The following MIPOL1 variants were observed in gnomAD, a reference collection of about 807,000 sequenced individuals.
MIPOL1 encodes mirror-image polydactyly 1.
Under a neutral mutation model 60.9 loss-of-function variants are expected in MIPOL1, and 57 were observed. That is an observed-to-expected ratio of 0.94 (90% CI 0.76 to 1.17). MIPOL1 has a LOEUF of 1.17. MIPOL1 is among the 50% of genes most tolerant of loss of function. The pLI is 0.00. For missense variants in MIPOL1, 551 were observed against 511.6 expected (o/e 1.08, Z -0.74); for synonymous variants, 179 against 168.8 (o/e 1.06, Z -0.47).
intron 10 of MIPOL1, among the ~76,000 whole-genome samples, chr14:37,405,064 AT>A (rs2093561895): frequency 6.6e-6 from 1 of 152,100 alleles, no homozygotes; most frequent in African/African-American, 2.4e-5. Context: ...AGAACACAAT[AT>A]GGTAATCCAG....
At chr14:37,334,316 T>A (rs561114803) in intron 9 of MIPOL1, among the ~76,000 whole-genome samples, 2 of 151,994 alleles carry the variant, frequency 1.3e-5, no homozygotes, top group East Asian at 3.9e-4. Context: ...TATGGAGATA[T>A]GAGACCTCGA....
At chr14:37,263,930 C>G (rs1181629795) in intron 3 of MIPOL1, among the ~76,000 whole-genome samples, 2 of 152,150 alleles carry the variant, frequency 1.3e-5, no homozygotes. Context: ...TTTGTCTTAT[C>G]TTTTAAATTG....
intron 7 of MIPOL1, among the ~76,000 whole-genome samples, chr14:37,303,282 A>G (rs1395867370): frequency 6.6e-6 from 1 of 151,876 alleles, no homozygotes; most frequent in Non-Finnish European, 1.5e-5. Context: ...TGTCTACCTC[A>G]GATTTACACA....
At chr14:37,524,367 T>C (rs1485039383) in intron 12 of MIPOL1, among the ~76,000 whole-genome samples, 1 of 152,046 alleles carries the variant, frequency 6.6e-6, no homozygotes, top group Non-Finnish European at 1.5e-5. Context: ...TACAGGGTGT[T>C]GAGGAGAGTT....
At chr14:37,242,360 G>T (rs1972492407) in intron 1 of MIPOL1, among the ~76,000 whole-genome samples, 1 of 151,944 alleles carries the variant, frequency 6.6e-6, no homozygotes, top group African/African-American at 2.4e-5. Context: ...GTATATATAT[G>T]TGAGTATAAT....
intron 11 of MIPOL1, among the ~76,000 whole-genome samples, chr14:37,478,349 C>A (rs2094809454): frequency 6.6e-6 from 1 of 151,984 alleles, no homozygotes; most frequent in Admixed American, 6.6e-5. Flanking sequence ...AGGCTGGTTG[C>A]AGAAACAGAA....
intron 6 of MIPOL1, among the ~76,000 whole-genome samples, chr14:37,273,661 C>A (rs2083451459): frequency 6.6e-6 from 1 of 151,368 alleles, no homozygotes; most frequent in African/African-American, 2.4e-5. Flanking sequence ...TCTCTGTAGG[C>A]AGTTTGGAGC....
chr14:37,241,873 C>A (rs896971333), intron 1 of MIPOL1, among the ~76,000 whole-genome samples: 6 of 152,076 alleles, frequency 3.9e-5, no homozygotes, highest in African/African-American at 1.2e-4. Context: ...CTCTTTCTTA[C>A]ATTTTGAACT....
intron 9 of MIPOL1, among the ~76,000 whole-genome samples, chr14:37,321,427 T>A (rs1289321914): frequency 1.3e-5 from 2 of 152,022 alleles, no homozygotes; most frequent in African/African-American, 2.4e-5. Flanking sequence ...TGAGTTGGAA[T>A]TTAATTCCCT....
rs1233719712 is a variant in MIPOL1, at chr14:37,328,575, A to G, written c.828+20056A>G. Among the ~76,000 whole-genome samples the G allele has an allele frequency of 6.6e-5, 10 of 152,350 alleles. No individual in the cohort carries two copies. In the East Asian group the frequency reaches 1.9e-3, roughly 29 times the overall value. Reference sequence around the variant, plus strand: ...TAGTTTTTAAATTATTGGCTTTAACAGCCATAAAATTTCTTGTCAGATTAC... The same window carrying G: ...TAGTTTTTAAATTATTGGCTTTAACGGCCATAAAATTTCTTGTCAGATTAC... On this transcript the variant is annotated intron_variant, in intron 9 of 12. Coordinates refer to ENST00000684589, the MANE Select transcript of MIPOL1 (RefSeq NM_001388067.1).
At chr14:37,461,388 A>G (rs1332018509) in intron 11 of MIPOL1, among the ~76,000 whole-genome samples, 1 of 152,182 alleles carries the variant, frequency 6.6e-6, no homozygotes, top group Non-Finnish European at 1.5e-5. Context: ...TCATAAGAAC[A>G]GCACAGGAAA....
At chr14:37,475,339 T>A in intron 11 of MIPOL1, among the ~76,000 whole-genome samples, 1 of 152,218 alleles carries the variant, frequency 6.6e-6, no homozygotes, top group East Asian at 1.9e-4. Context: ...TTAGTATGTG[T>A]TTTGCAAGGA....
chr14:37,532,961 A>G (rs1364366839), intron 12 of MIPOL1, among the ~76,000 whole-genome samples: 1 of 152,142 alleles, frequency 6.6e-6, no homozygotes, highest in Non-Finnish European at 1.5e-5. Context: ...AAAATACAAA[A>G]AAAGTGTATA....
At chr14:37,264,911 A>G (rs976670392) in intron 3 of MIPOL1, among the ~76,000 whole-genome samples, 8 of 152,084 alleles carry the variant, frequency 5.3e-5, no homozygotes, top group African/African-American at 9.7e-5. Context: ...GATGACTTCA[A>G]TGCCTTCAAA....
At chr14:37,471,799 C>A (rs2094692873) in intron 11 of MIPOL1, among the ~76,000 whole-genome samples, 1 of 152,086 alleles carries the variant, frequency 6.6e-6, no homozygotes, top group African/African-American at 2.4e-5. Context: ...TTCATCCACC[C>A]TCCTTCAAAT....
intron 9 of MIPOL1, among the ~76,000 whole-genome samples, chr14:37,342,532 G>C (rs1232726951): frequency 6.6e-6 from 1 of 151,764 alleles, no homozygotes; most frequent in East Asian, 2.0e-4. Flanking sequence ...CAAGTAGCTG[G>C]GATTACAGGG....
chr14:37,433,024 G>A (rs564111272), intron 11 of MIPOL1, among the ~76,000 whole-genome samples: 1 of 152,256 alleles, frequency 6.6e-6, no homozygotes, highest in East Asian at 1.9e-4. Context: ...GCAAGCCATC[G>A]GGCTGGAAAA....
intron 11 of MIPOL1, among the ~76,000 whole-genome samples, chr14:37,453,239 C>G (rs894005525): frequency 5.3e-5 from 8 of 152,014 alleles, no homozygotes; most frequent in Non-Finnish European, 1.2e-4. Context: ...CTTTTTACTT[C>G]CTACATCTTG....
chr14:37,242,592 C>T (rs1972529501), intron 1 of MIPOL1, among the ~76,000 whole-genome samples: 2 of 152,248 alleles, frequency 1.3e-5, no homozygotes, highest in African/African-American at 4.8e-5. Context: ...TACCAGTTCT[C>T]TATTGACGGA....
Sources: allele counts gnomAD v4.1 joint callset (sites outside exome capture counted in the v4.1 genomes callset), GRCh38; gene constraint gnomAD v4.1.1; transcripts MANE v1.5; gene names NCBI Gene and HGNC (gene_info 2026-07-23, HGNC 2026-07-21).